The following DISC1 variants were observed in gnomAD, a reference collection of about 807,000 sequenced individuals.
DISC1 encodes the protein disrupted in schizophrenia 1 protein.
DISC1 carries 57 observed loss-of-function variants against 84.5 expected under a neutral mutation model. The observed-to-expected ratio is 0.67, with a 90% confidence interval of 0.55 to 0.84. The LOEUF (loss-of-function observed/expected upper bound fraction) is 0.84, where lower values mean the gene tolerates loss of function less well. DISC1 is among the 40% of genes least tolerant of loss of function. The pLI, the probability that DISC1 is intolerant of heterozygous loss-of-function variation, is 0.00. For synonymous variants in DISC1, 411 were observed against 415.2 expected, an observed-to-expected ratio of 0.99 and a Z score of 0.12; for missense variants, 1,000 against 1,057.8, an observed-to-expected ratio of 0.95 and a Z score of 0.76.
At chr1:232,026,309 C>T in intron 11 of DISC1, 126 bp from the exon 12 acceptor site, 1 of 643,648 alleles carries the variant, frequency 1.6e-6, no homozygotes, top group Non-Finnish European at 2.8e-6. Flanking sequence ...CCAGGGGAGA[C>T]ACAGGCCCTA....
At chr1:231,946,770 T>C (rs1440078258) in intron 9 of DISC1, among the ~76,000 whole-genome samples, 2 of 149,470 alleles carry the variant, frequency 1.3e-5, no homozygotes, top group Admixed American at 6.7e-5. Context: ...AAAGTTGCTG[T>C]TATCAATGTG....
At chr1:231,935,290 A>G (rs2090911545) in intron 9 of DISC1, among the ~76,000 whole-genome samples, 4 of 152,170 alleles carry the variant, frequency 2.6e-5, no homozygotes, top group Admixed American at 6.5e-5. Context: ...AATCTCATAT[A>G]TACAAAGGAA....
At chr1:231,776,003 C>T (rs1226550515) in intron 6 of DISC1, among the ~76,000 whole-genome samples, 1 of 152,030 alleles carries the variant, frequency 6.6e-6, no homozygotes, top group African/African-American at 2.4e-5. Flanking sequence ...TGGATCACAT[C>T]CCTCCATGTG....
At chr1:232,001,501 G>A (rs912584390) in intron 10 of DISC1, among the ~76,000 whole-genome samples, 1 of 152,094 alleles carries the variant, frequency 6.6e-6, no homozygotes, top group African/African-American at 2.4e-5. Flanking sequence ...AATACACAGA[G>A]CAATTATTAT....
chr1:231,797,074 T>A (rs558110649), intron 7 of DISC1, among the ~76,000 whole-genome samples: 1 of 152,294 alleles, frequency 6.6e-6, no homozygotes, highest in Non-Finnish European at 1.5e-5. Context: ...AATTAAAAGA[T>A]GGGAGGACTG....
At chr1:231,637,434 A>G (rs1364437294) in intron 1 of DISC1, among the ~76,000 whole-genome samples, 2 of 152,154 alleles carry the variant, frequency 1.3e-5, no homozygotes, top group African/African-American at 4.8e-5. Flanking sequence ...GGCTTTTAGG[A>G]TGTCCATCAC....
chr1:231,822,269 T>C (rs1038773347), intron 9 of DISC1, among the ~76,000 whole-genome samples: 7 of 152,290 alleles, frequency 4.6e-5, no homozygotes, highest in South Asian at 2.1e-4. Flanking sequence ...ACTGCAGATG[T>C]AGCTCAAAAA....
chr1:232,008,989 G>A lies in DISC1; in HGVS notation c.2247G>A (p.Leu749=), dbSNP rs1667787154. Residue 749 remains leucine (L), a synonymous_variant, in exon 11 of 13, where the codon TTG becomes TTA. Coordinates refer to ENST00000439617, the MANE Select transcript of DISC1 (RefSeq NM_018662.3). ...AAAGGAAGACCCCTTTGAAGGTATT[G>A]GAAGAATGGAAGACTCACCTCATCC... ...EDKRKTPLKV[L]EEWKTHLIPS... is the part of the protein sequence containing the mutation. 4 of 1,613,846 alleles carry A rather than the reference G, an allele frequency of 2.5e-6. No individual in the cohort carries two copies. Among genetic ancestry groups the A allele is most frequent in the Admixed American group, 1.7e-5 (1 of 60,010 alleles).
chr1:231,711,558 CG>C (rs981298187), intron 3 of DISC1, among the ~76,000 whole-genome samples: 25 of 150,788 alleles, frequency 1.7e-4, no homozygotes, highest in African/African-American at 5.9e-4. Context: ...TTAATAGAGA[CG>C]GGGTTTCACC....
intron 1 of DISC1, among the ~76,000 whole-genome samples, chr1:231,691,561 G>A (rs553896958): frequency 6.6e-6 from 1 of 152,280 alleles, no homozygotes; most frequent in East Asian, 1.9e-4. Context: ...ACTTCAGAAG[G>A]GTTATCTGGA....
chr1:231,858,575 T>C (rs946552813), intron 9 of DISC1, among the ~76,000 whole-genome samples: 3 of 152,196 alleles, frequency 2.0e-5, no homozygotes, highest in Non-Finnish European at 4.4e-5. Context: ...TTCTCAACCT[T>C]CTTATTTACT....
At chr1:231,797,860 A>G (rs1195055022) in intron 7 of DISC1, among the ~76,000 whole-genome samples, 1 of 152,124 alleles carries the variant, frequency 6.6e-6, no homozygotes, top group Non-Finnish European at 1.5e-5. Context: ...TTATTTGTAA[A>G]TAAAAAGGAT....
chr1:231,872,124 T>C (rs7523100), intron 9 of DISC1, among the ~76,000 whole-genome samples: 75,870 of 151,978 alleles, frequency 0.5, 19,081 homozygotes, highest in African/African-American at 0.53. Flanking sequence ...ATGCAAGGCG[T>C]GGGGATGTGA....
chr1:231,799,279 C>G (rs141415774), intron 7 of DISC1, among the ~76,000 whole-genome samples: 1 of 152,258 alleles, frequency 6.6e-6, no homozygotes, highest in African/African-American at 2.4e-5. Context: ...CAGCAAGTAT[C>G]TATCTGCCTT....
intron 4 of DISC1, among the ~76,000 whole-genome samples, chr1:231,757,790 T>C (rs995503477): frequency 2.0e-5 from 3 of 152,166 alleles, no homozygotes; most frequent in Admixed American, 1.3e-4. Context: ...AATTCCTTTT[T>C]CCCTGGTTTA....
Position 231,988,974 on chromosome 1 carries a change from C to T in DISC1, c.2043-19811C>T, listed in dbSNP as rs556985813. Among the ~76,000 whole-genome samples the T allele has an allele frequency of 2.6e-5, 4 of 152,314 alleles. 1 individual carries two copies. The highest frequency in any genetic ancestry group is 9.6e-5 in the African/African-American group (4 of 41,578). On this transcript the variant is annotated intron_variant, in intron 10 of 12. Transcript: ENST00000439617. ...CATTGACCAGGTCTTCACCTTCATG[C>T]CCAGACCTTGTCTATGTAAGCAGCA...
intron 6 of DISC1, among the ~76,000 whole-genome samples, chr1:231,789,761 G>A (rs1000200488): frequency 2.0e-5 from 3 of 151,942 alleles, no homozygotes; most frequent in Non-Finnish European, 4.4e-5. Context: ...AATTCCATTT[G>A]CCCTTCTAAT....
At chr1:231,670,407 T>C (rs1572699752) in intron 1 of DISC1, among the ~76,000 whole-genome samples, 1 of 152,154 alleles carries the variant, frequency 6.6e-6, no homozygotes, top group Non-Finnish European at 1.5e-5. Context: ...AGGTGGTACA[T>C]GTGTAAAGAC....
At chr1:231,901,615 A>G (rs1486675709) in intron 9 of DISC1, among the ~76,000 whole-genome samples, 1 of 152,228 alleles carries the variant, frequency 6.6e-6, no homozygotes, top group Non-Finnish European at 1.5e-5. Flanking sequence ...GGCACACTGC[A>G]GACACTGACA....
Sources: allele counts gnomAD v4.1 joint callset (sites outside exome capture counted in the v4.1 genomes callset), GRCh38; gene constraint gnomAD v4.1.1; transcripts MANE v1.5; gene names NCBI Gene and HGNC (gene_info 2026-07-23, HGNC 2026-07-21).